SKIL: variants seen among roughly 807,000 people sequenced by gnomAD.
The protein encoded by SKIL is ski-like protein.
In SKIL, 20 loss-of-function variants were observed where a neutral mutation model predicts 69.6. That is an observed-to-expected ratio of 0.29 (90% CI 0.20 to 0.42). SKIL has a LOEUF of 0.42. Among genes scored for constraint, SKIL ranks in the 10% least tolerant of loss-of-function variants. The pLI, the probability that SKIL is intolerant of heterozygous loss-of-function variation, is 1.00. For synonymous variants in SKIL, 310 were observed against 279.9 expected (o/e 1.11, Z -1.08); for missense variants, 745 against 783.1 (o/e 0.95, Z 0.58).
chr3:170,369,934 G>T (rs1736716830), intron 2 of SKIL, among the ~76,000 whole-genome samples: 1 of 152,076 alleles, frequency 6.6e-6, no homozygotes, highest in Non-Finnish European at 1.5e-5. Flanking sequence ...AATGCATCTT[G>T]TTGTAAGATG....
At chr3:170,363,611 G>A (rs1348332430) in intron 2 of SKIL, among the ~76,000 whole-genome samples, 1 of 151,786 alleles carries the variant, frequency 6.6e-6, no homozygotes, top group African/African-American at 2.4e-5. Context: ...TCAGCCTCCT[G>A]AGTCACTGGG....
At chr3:170,369,629 G>T (rs533240047) in intron 2 of SKIL, among the ~76,000 whole-genome samples, 4 of 152,028 alleles carry the variant, frequency 2.6e-5, no homozygotes, top group Non-Finnish European at 5.9e-5. Context: ...CTCGAACTCC[G>T]TACCTCAGGT....
chr3:170,365,076 TA>T (rs1373942721), intron 2 of SKIL, among the ~76,000 whole-genome samples: 1 of 152,230 alleles, frequency 6.6e-6, no homozygotes, highest in Non-Finnish European at 1.5e-5. Flanking sequence ...GTGGTTGTTT[TA>T]TTATGCTTAC....
At chr3:170,367,779 C>T (rs1419102761) in intron 2 of SKIL, among the ~76,000 whole-genome samples, 11 of 151,966 alleles carry the variant, frequency 7.2e-5, no homozygotes, top group Non-Finnish European at 1.6e-4. Flanking sequence ...AAAATTTAAA[C>T]TTTTAACATT....
intron 2 of SKIL, among the ~76,000 whole-genome samples, chr3:170,379,024 G>A (rs917296818): frequency 1.3e-5 from 2 of 151,662 alleles, no homozygotes; most frequent in East Asian, 3.9e-4. Flanking sequence ...TTACAAGTGC[G>A]TACCACCATG....
chr3:170,386,987 TCA>T (rs1488757580), intron 4 of SKIL, among the ~76,000 whole-genome samples: 1 of 152,096 alleles, frequency 6.6e-6, no homozygotes, highest in Admixed American at 6.6e-5. Context: ...TGTGCAACCA[TCA>T]CAGCTAATTT....
rs192761985 is a variant in SKIL at position 170,363,901 on chromosome 3, G to T, written c.1098+2472G>T. 3.9e-5 allele frequency among the ~76,000 whole-genome samples: 6 copies of T among 152,282 alleles called. No homozygotes were observed. The East Asian group carries it at 1.2e-3, about 29-fold the overall frequency. On this transcript the variant is annotated intron_variant, in intron 2 of 6. Transcript: ENST00000259119. ...CTCAGAGATTATATTTCAAAATGTGGAATGCCCCTTTTGATATTTGTGATA... is the reference window on the plus strand; with the variant it reads ...CTCAGAGATTATATTTCAAAATGTGTAATGCCCCTTTTGATATTTGTGATA...
At chr3:170,375,507 T>G (rs1736989092) in intron 2 of SKIL, among the ~76,000 whole-genome samples, 1 of 152,230 alleles carries the variant, frequency 6.6e-6, no homozygotes, top group Non-Finnish European at 1.5e-5. Context: ...TCTGAAGATT[T>G]GAGATTCCAG....
chr3:170,362,827 C>CA, intron 2 of SKIL, among the ~76,000 whole-genome samples: 1 of 145,858 alleles, frequency 6.9e-6, no homozygotes, highest in African/African-American at 2.6e-5. Context: ...AAAAAAAAAA[C>CA]ACAACCACCT....
chr3:170,360,335 G>T lies in SKIL; in HGVS notation c.4G>T (p.Glu2Ter). M[E>*]NLQTNFSLVQ... ...TTATTTAACAGAAGAGTGTACCATG[G>T]AAAACCTCCAGACAAATTTCTCCTT... is the stretch of plus-strand genomic sequence containing the variant. Residue 2 changes from glutamate to a stop codon, truncating the protein, a stop_gained, in exon 2 of 7, where the codon GAA becomes TAA. Coordinates refer to ENST00000259119, the MANE Select transcript of SKIL (RefSeq NM_005414.5). LOFTEE classifies it high-confidence loss of function. 6.4e-7 allele frequency: 1 copy of T among 1,550,618 alleles called. No homozygotes were observed.
At chr3:170,367,348 C>T (rs932083414) in intron 2 of SKIL, among the ~76,000 whole-genome samples, 7 of 152,050 alleles carry the variant, frequency 4.6e-5, no homozygotes, top group African/African-American at 1.4e-4. Context: ...CTGACGTCGT[C>T]ATCCTCCCAA....
chr3:170,378,874 TTTA>T (rs561813074), intron 2 of SKIL, among the ~76,000 whole-genome samples: 5 of 150,320 alleles, frequency 3.3e-5, no homozygotes, highest in Non-Finnish European at 5.9e-5. Context: ...TATTTATTTA[TTTA>T]TTTATTTTTT....
In SKIL at chr3:170,360,953, C is replaced by T. The variant is rs750437998; in HGVS notation, c.622C>T (p.Leu208=). Residue 208 remains leucine, a synonymous_variant, in exon 2 of 7, where the codon CTG becomes TTG. Coordinates refer to ENST00000259119, the MANE Select transcript of SKIL (RefSeq NM_005414.5). Reference sequence around the variant, plus strand: ...AGACCAGCTTCATATCTTAAAGGTACTGGGCATACTTCCATTCAATGCCCC... The same window carrying T: ...AGACCAGCTTCATATCTTAAAGGTATTGGGCATACTTCCATTCAATGCCCC... ...TSDQLHILKV[L]GILPFNAPSC... 8.7e-6 allele frequency: 14 copies of T among 1,614,062 alleles called. No individual in the cohort carries two copies. The highest frequency in any genetic ancestry group is 1.2e-5 in the Non-Finnish European group (14 of 1,180,036).
chr3:170,357,761 C>G lies in SKIL; in HGVS notation c.-636C>G. On this transcript the variant is annotated splice_region_variant and 5_prime_UTR_variant, in exon 1 of 7. Coordinates refer to ENST00000259119, the MANE Select transcript of SKIL (RefSeq NM_005414.5). The stretch of plus-strand genomic sequence containing the variant: ...GCGGCGACGGCGGCGGCGGCGGGCA[C>G]AGGTGCGGCTCCGGCTTACGGCGGC... The G allele has an allele frequency of 6.0e-6, 1 of 165,480 alleles. No individual in the cohort carries two copies. Among genetic ancestry groups the G allele is most frequent in the Non-Finnish European group, 1.3e-5 (1 of 79,106 alleles). 10.3% of individuals were successfully genotyped at this position (165,480 alleles called of 1,614,324 possible).
chr3:170,374,728 T>A (rs910491794), intron 2 of SKIL, among the ~76,000 whole-genome samples: 2 of 152,256 alleles, frequency 1.3e-5, no homozygotes, highest in Admixed American at 6.5e-5. Flanking sequence ...ACAGTTAGGA[T>A]AATTTGTTAT....
intron 2 of SKIL, among the ~76,000 whole-genome samples, chr3:170,380,761 C>G (rs1175509268): frequency 1.1e-4 from 17 of 152,062 alleles, no homozygotes; most frequent in Non-Finnish European, 5.9e-5. Context: ...TGGGATAGTT[C>G]ATGTGGGTGT....
At chr3:170,390,633 C>T (rs943583074) in intron 5 of SKIL, among the ~76,000 whole-genome samples, 169 bp downstream of exon 5, 17 of 152,272 alleles carry the variant, frequency 1.1e-4, no homozygotes, top group Non-Finnish European at 5.9e-5. Flanking sequence ...ATTACAGGCA[C>T]GTGCCACCAT....
intron 2 of SKIL, among the ~76,000 whole-genome samples, chr3:170,365,247 A>G (rs932168780): frequency 6.6e-6 from 1 of 152,200 alleles, no homozygotes; most frequent in South Asian, 2.1e-4. Flanking sequence ...TTCTAACTCG[A>G]AGTTTAGTAA....
chr3:170,389,291 C>T lies in SKIL; in HGVS notation c.1430-932C>T, dbSNP rs1051379734. Among the ~76,000 whole-genome samples, 8 of 150,606 alleles carry T rather than the reference C, an allele frequency of 5.3e-5. No individual in the cohort carries two copies. In the East Asian group the frequency reaches 1.2e-3, roughly 22 times the overall value. ...TCTTTTGCATGTGGATATAGTTGTC[C>T]GTATGTTGAAAAGATTATTCTTTCC... On this transcript the variant is annotated intron_variant, in intron 4 of 6. Coordinates refer to ENST00000259119, the MANE Select transcript of SKIL (RefSeq NM_005414.5).
Sources: allele counts gnomAD v4.1 joint callset (sites outside exome capture counted in the v4.1 genomes callset), GRCh38; gene constraint gnomAD v4.1.1; transcripts MANE v1.5; gene names NCBI Gene and HGNC (gene_info 2026-07-23, HGNC 2026-07-21).